Variants in SYTL3 observed in about 807,000 individuals in gnomAD.
SYTL3 encodes synaptotagmin like 3.
SYTL3 carries 88 observed loss-of-function variants against 82.1 expected under a neutral mutation model. The observed-to-expected ratio is 1.07, with a 90% CI of 0.90 to 1.28. The LOEUF (loss-of-function observed/expected upper bound fraction) is 1.28. SYTL3 is among the 50% of genes most tolerant of loss of function. The probability of loss-of-function intolerance (pLI) is 0.00; values close to 1 mark genes in which losing one functional copy is unlikely to be tolerated. For missense variants in SYTL3, 831 were observed against 757.6 expected, an observed-to-expected ratio of 1.10 and a Z score of -1.14; for synonymous variants, 311 against 289.4, an observed-to-expected ratio of 1.07 and a Z score of -0.76.
chr6:158,690,644 T>G (rs1327846731), intron 6 of SYTL3, among the ~76,000 whole-genome samples: 1 of 152,244 alleles, frequency 6.6e-6, no homozygotes, highest in Non-Finnish European at 1.5e-5. Flanking sequence ...GAGCCTCAGT[T>G]CTTCATTTTG....
intron 6 of SYTL3, among the ~76,000 whole-genome samples, chr6:158,700,606 TTGTATGTA>T (rs372578210): frequency 5.9e-5 from 9 of 151,944 alleles, no homozygotes; most frequent in African/African-American, 7.2e-5. Flanking sequence ...GCTACTGATG[TTGTATGTA>T]TGTATGTATG....
intron 9 of SYTL3, among the ~76,000 whole-genome samples, chr6:158,717,378 C>G (rs1248983583): frequency 1.3e-5 from 2 of 151,412 alleles, no homozygotes; most frequent in African/African-American, 4.9e-5. Flanking sequence ...CTTGCATTGT[C>G]TCTCTGCCGG....
intron 9 of SYTL3, among the ~76,000 whole-genome samples, chr6:158,716,124 T>G (rs1004275375): frequency 6.6e-6 from 1 of 152,186 alleles, no homozygotes; most frequent in Non-Finnish European, 1.5e-5. Context: ...TGGCTGCAGC[T>G]CTGTCTATTA....
intron 6 of SYTL3, among the ~76,000 whole-genome samples, chr6:158,706,596 G>A (rs750069092): frequency 1.3e-5 from 2 of 152,178 alleles, no homozygotes; most frequent in South Asian, 2.1e-4. Flanking sequence ...CCTGCTGGAC[G>A]AGGACTGGTC....
intron 17 of SYTL3, among the ~76,000 whole-genome samples, chr6:158,764,135 C>T (rs1790410386): frequency 6.6e-6 from 1 of 152,240 alleles, no homozygotes; most frequent in African/African-American, 2.4e-5. Flanking sequence ...AATCCCTTCC[C>T]ATGGGCAAGC....
rs1309927207 is a variant in SYTL3 at position 158,760,664 on chromosome 6, C to T, written c.1333C>T (p.Pro445Ser). 1.2e-6 allele frequency: 2 copies of T among 1,614,060 alleles called. No individual in the cohort carries two copies. The highest frequency in any genetic ancestry group is 1.7e-5 in the Admixed American group (1 of 60,024). The change falls in exon 15 of 18, where the codon CCT becomes TCT. Residue 445 changes from proline (P) to serine (S), a missense_variant. Pro to Ser is a moderately conservative substitution (Grantham distance 74, BLOSUM62 -1). Transcript: ENST00000611299. Reference sequence around the variant, plus strand: ...GGCGGAGAAATACGAAGACAGCGTTCCTCAGAGTAATGGAGAGCTCACAGT... The same window carrying T: ...GGCGGAGAAATACGAAGACAGCGTTTCTCAGAGTAATGGAGAGCTCACAGT... Reference protein sequence around the residue: ...AKAEKYEDSVPQSNGELTVRA... With the variant: ...AKAEKYEDSVSQSNGELTVRA...
intron 5 of SYTL3, among the ~76,000 whole-genome samples, chr6:158,671,317 C>T (rs564662779): frequency 1.3e-5 from 2 of 152,172 alleles, no homozygotes; most frequent in Admixed American, 6.5e-5. Flanking sequence ...GAGCTTTCTG[C>T]GCATTGTCTT....
chr6:158,713,919 A>C, intron 9 of SYTL3, 41 bp downstream of exon 9: 1 of 1,455,778 alleles, frequency 6.9e-7, no homozygotes, highest in South Asian at 1.2e-5. Context: ...ACTACCTTCC[A>C]GGCCAGCCGA....
At chr6:158,659,720 A>G (rs1177946689) in intron 2 of SYTL3, among the ~76,000 whole-genome samples, 1 of 152,222 alleles carries the variant, frequency 6.6e-6, no homozygotes, top group Non-Finnish European at 1.5e-5. Context: ...TTAAAGCTAT[A>G]GACAGCATCT....
intron 4 of SYTL3, among the ~76,000 whole-genome samples, chr6:158,664,663 A>G (rs1789797437): frequency 6.6e-6 from 1 of 152,234 alleles, no homozygotes; most frequent in African/African-American, 2.4e-5. Flanking sequence ...ACAAAGTGAC[A>G]TAGACATAGT....
chr6:158,673,580 C>T (rs1188675401), intron 5 of SYTL3, among the ~76,000 whole-genome samples: 7 of 151,574 alleles, frequency 4.6e-5, no homozygotes, highest in African/African-American at 1.7e-4. Context: ...GCTGGGACTA[C>T]AGGCGCTGGC....
chr6:158,727,615 T>C (rs535936641), intron 11 of SYTL3, among the ~76,000 whole-genome samples: 1 of 151,910 alleles, frequency 6.6e-6, no homozygotes, highest in African/African-American at 2.4e-5. Flanking sequence ...GGAGGGAATC[T>C]TCACCCACCA....
intron 6 of SYTL3, among the ~76,000 whole-genome samples, chr6:158,686,758 A>G (rs912216119): frequency 6.6e-6 from 1 of 152,216 alleles, no homozygotes; most frequent in South Asian, 2.1e-4. Flanking sequence ...GGAGGCAAAA[A>G]GGGAATAGTG....
intron 5 of SYTL3, among the ~76,000 whole-genome samples, chr6:158,674,998 A>G (rs1222779676): frequency 2.0e-5 from 3 of 151,518 alleles, no homozygotes; most frequent in Non-Finnish European, 4.4e-5. Context: ...CACCTACTCT[A>G]TGTACATATG....
intron 11 of SYTL3, among the ~76,000 whole-genome samples, chr6:158,742,291 A>G (rs888315707): frequency 2.6e-5 from 4 of 152,390 alleles, no homozygotes; most frequent in East Asian, 3.9e-4. Context: ...AAAAACTGCA[A>G]TTATTTTTGC....
intron 6 of SYTL3, among the ~76,000 whole-genome samples, chr6:158,703,417 C>A (rs558063365): frequency 6.6e-6 from 1 of 152,240 alleles, no homozygotes; most frequent in South Asian, 2.1e-4. Flanking sequence ...ACCTGCCTCT[C>A]GAGGGATGCC....
rs201715127 is a variant in SYTL3, at chr6:158,663,338, C to T, written c.70C>T (p.Arg24Ter). The change falls in exon 4 of 18, where the codon CGA becomes TGA. Residue 24 changes from arginine to a stop codon, truncating the protein, a stop_gained. Coordinates refer to ENST00000611299, the MANE Select transcript of SYTL3 (RefSeq NM_001242394.2). LOFTEE classifies it high-confidence loss of function. The stretch of plus-strand genomic sequence containing the variant: ...CGAGGCCATTCTCCAGGTCCTGTAC[C>T]GAGACCAGGCGGTTCAAAACACAGA... ...EREAILQVLYRDQAVQNTEEE... is the reference protein window; with the variant it reads ...EREAILQVLY 3.5e-5 allele frequency: 56 copies of T among 1,613,906 alleles called. No individual in the cohort carries two copies. The highest frequency in any genetic ancestry group is 1.7e-4 in the Middle Eastern group (1 of 6,006).
At chr6:158,685,512 TTG>T (rs1177096079) in intron 6 of SYTL3, among the ~76,000 whole-genome samples, 1 of 151,832 alleles carries the variant, frequency 6.6e-6, no homozygotes, top group Non-Finnish European at 1.5e-5. Flanking sequence ...CCGGCCACTT[TTG>T]TGTTTCTTTA....
chr6:158,659,933 A>T (rs1044069609), intron 2 of SYTL3, among the ~76,000 whole-genome samples: 2 of 152,078 alleles, frequency 1.3e-5, no homozygotes, highest in African/African-American at 4.8e-5. Flanking sequence ...TTTTTGTTAG[A>T]TGTAGAATAG....
Sources: gnomAD v4.1 joint callset for allele counts (sites outside exome capture counted in the v4.1 genomes callset) on GRCh38, gnomAD v4.1.1 for gene constraint, MANE v1.5 for transcripts, NCBI Gene and HGNC (gene_info 2026-07-23, HGNC 2026-07-21) for gene names.